Variants in NPAS3 observed in about 807,000 individuals in gnomAD.
NPAS3 encodes the protein neuronal PAS domain-containing protein 3.
In NPAS3, 14 loss-of-function variants were observed where a neutral mutation model predicts 73.1. The ratio of observed to expected loss-of-function variants is 0.19; its 90% CI spans 0.13 to 0.30. The LOEUF is 0.30. Ranked by LOEUF, NPAS3 falls within the 10% of genes least tolerant of loss-of-function variation. The pLI, the probability that NPAS3 is intolerant of heterozygous loss-of-function variation, is 1.00. For missense variants in NPAS3, 1,096 were observed against 1,250.0 expected (o/e 0.88, Z 1.86); for synonymous variants, 620 against 541.5 (o/e 1.14, Z -2.01).
At chr14:32,985,291 T>C (rs1291408339) in intron 1 of NPAS3, among the ~76,000 whole-genome samples, 1 of 152,130 alleles carries the variant, frequency 6.6e-6, no homozygotes, top group Admixed American at 6.6e-5. Context: ...CTCGTGTGTG[T>C]TGAAGGAGAG....
At chr14:33,528,081 G>GA (rs1299453796) in intron 4 of NPAS3, among the ~76,000 whole-genome samples, 1 of 151,944 alleles carries the variant, frequency 6.6e-6, no homozygotes, top group African/African-American at 2.4e-5. Context: ...CCCTTCAAGA[G>GA]AAAAAATTCA....
rs578047557 is a variant in NPAS3, at chr14:33,070,442, G to A, written c.140+14448G>A. ...AGAGCAGCTTAATTCTGCTTTCATTGTGCCTGGTACTTCTGTGAGGCACTC... is the reference window on the plus strand; with the variant it reads ...AGAGCAGCTTAATTCTGCTTTCATTATGCCTGGTACTTCTGTGAGGCACTC... On this transcript the variant is annotated intron_variant, in intron 2 of 11. Coordinates refer to ENST00000356141, the Ensembl canonical transcript of NPAS3. 3.9e-4 allele frequency among the ~76,000 whole-genome samples: 59 copies of A among 152,238 alleles called. 2 individuals carry two copies. In the South Asian group the frequency reaches 0.011, roughly 29 times the overall value.
intron 2 of NPAS3, among the ~76,000 whole-genome samples, chr14:33,080,711 T>C (rs572302987): frequency 2.0e-5 from 3 of 152,298 alleles, no homozygotes; most frequent in Admixed American, 2.0e-4. Flanking sequence ...CATTCTAACA[T>C]GATCAGGAGA....
chr14:33,437,749 G>A (rs1205538698), intron 4 of NPAS3, among the ~76,000 whole-genome samples: 1 of 152,164 alleles, frequency 6.6e-6, no homozygotes, highest in Non-Finnish European at 1.5e-5. Context: ...TCGACATTAT[G>A]GACTAGTATA....
intron 6 of NPAS3, among the ~76,000 whole-genome samples, chr14:33,712,203 A>G (rs914953678): frequency 8.5e-5 from 13 of 152,174 alleles, no homozygotes; most frequent in African/African-American, 3.1e-4. Flanking sequence ...TGGTTTTGCA[A>G]CCAGAGTCTC....
At chr14:33,501,072 A>G (rs901839664) in intron 4 of NPAS3, among the ~76,000 whole-genome samples, 2 of 151,986 alleles carry the variant, frequency 1.3e-5, no homozygotes, top group African/African-American at 2.4e-5. Context: ...TGTGATTCTA[A>G]TAATGTTAGC....
chr14:33,643,935 A>G (rs1316720272), intron 5 of NPAS3, among the ~76,000 whole-genome samples: 2 of 151,992 alleles, frequency 1.3e-5, no homozygotes, highest in East Asian at 1.9e-4. Flanking sequence ...TCTCTTGTAT[A>G]TGATTGGTTC....
intron 9 of NPAS3, among the ~76,000 whole-genome samples, chr14:33,784,305 A>G (rs1017957704): frequency 2.6e-5 from 4 of 152,250 alleles, no homozygotes; most frequent in African/African-American, 9.6e-5. Context: ...TTCAAAAGCA[A>G]CTAAGGTATG....
chr14:33,448,402 G>A (rs1262545688), intron 4 of NPAS3, among the ~76,000 whole-genome samples: 1 of 152,192 alleles, frequency 6.6e-6, no homozygotes, highest in Non-Finnish European at 1.5e-5. Context: ...AGAGAGTAGT[G>A]AAGATTGGAA....
At chr14:33,409,976 G>A (rs1251216493) in intron 4 of NPAS3, among the ~76,000 whole-genome samples, 2 of 152,160 alleles carry the variant, frequency 1.3e-5, no homozygotes, top group African/African-American at 4.8e-5. Flanking sequence ...GTATCAAGCT[G>A]TGGATGATTG....
At chr14:33,567,736 T>C (rs532320232) in intron 5 of NPAS3, among the ~76,000 whole-genome samples, 3 of 152,326 alleles carry the variant, frequency 2.0e-5, no homozygotes, top group African/African-American at 7.2e-5. Context: ...TAATTTCTTA[T>C]TACAGGTGCA....
chr14:33,119,835 T>G (rs541538258), intron 2 of NPAS3, among the ~76,000 whole-genome samples: 1 of 152,270 alleles, frequency 6.6e-6, no homozygotes, highest in East Asian at 1.9e-4. Context: ...TACGGATGGT[T>G]CTGCTCTAGT....
chr14:33,129,805 TATA>T (rs757064363), intron 2 of NPAS3, among the ~76,000 whole-genome samples: 1 of 152,164 alleles, frequency 6.6e-6, no homozygotes, highest in East Asian at 1.9e-4. Flanking sequence ...CTTTGTTTGC[TATA>T]ATAATATATG....
At chr14:33,131,896 A>G (rs922369283) in intron 2 of NPAS3, among the ~76,000 whole-genome samples, 2 of 152,172 alleles carry the variant, frequency 1.3e-5, no homozygotes, top group African/African-American at 4.8e-5. Flanking sequence ...TTTATCTGAT[A>G]GAGAAAGTGG....
chr14:33,293,082 T>C (rs980817891), intron 3 of NPAS3, among the ~76,000 whole-genome samples: 1 of 152,160 alleles, frequency 6.6e-6, no homozygotes, highest in Non-Finnish European at 1.5e-5. Context: ...ATTATTTCCT[T>C]AGAACTGAGC....
At chr14:33,651,674 C>CA (rs1243152025) in intron 5 of NPAS3, among the ~76,000 whole-genome samples, 1 of 152,024 alleles carries the variant, frequency 6.6e-6, no homozygotes, top group Non-Finnish European at 1.5e-5. Context: ...TCTATTTGTA[C>CA]ATTAAGGATA....
chr14:33,760,893 T>G (rs1186247612), intron 7 of NPAS3, among the ~76,000 whole-genome samples: 1 of 152,206 alleles, frequency 6.6e-6, no homozygotes, highest in Non-Finnish European at 1.5e-5. Context: ...GAAGTGTGAT[T>G]TTAATTATGA....
At chr14:32,964,696 C>T (rs577590635) in intron 1 of NPAS3, among the ~76,000 whole-genome samples, 7 of 151,904 alleles carry the variant, frequency 4.6e-5, no homozygotes, top group East Asian at 3.9e-4. Flanking sequence ...AGTTTGAGGC[C>T]GGGTGCAGTG....
intron 5 of NPAS3, among the ~76,000 whole-genome samples, chr14:33,596,435 C>T (rs2057244573): frequency 6.6e-6 from 1 of 152,164 alleles, no homozygotes. Context: ...TGACCCCAGT[C>T]ATCATAAATT....
Sources: allele counts gnomAD v4.1 joint callset (sites outside exome capture counted in the v4.1 genomes callset), GRCh38; gene constraint gnomAD v4.1.1; transcripts MANE v1.5; gene names NCBI Gene and HGNC (gene_info 2026-07-23, HGNC 2026-07-21).